The following AP4S1 variants were observed in gnomAD, a reference collection of about 807,000 sequenced individuals.
AP4S1 encodes adaptor related protein complex 4 subunit sigma 1, also known as AP-4 complex subunit sigma-1.
In AP4S1, 23 loss-of-function variants were observed where a neutral mutation model predicts 19.8. The observed-to-expected ratio is 1.16, with a 90% CI of 0.84 to 1.65. The LOEUF (loss-of-function observed/expected upper bound fraction) is 1.65. Among genes scored for constraint, AP4S1 ranks in the 40% most tolerant of loss-of-function variants. AP4S1 has a pLI of 0.00. For missense variants in AP4S1, 166 were observed against 172.8 expected (o/e 0.96, Z 0.22); for synonymous variants, 46 against 54.1 (o/e 0.85, Z 0.66).
chr14:31,091,466 G>A (rs1888073864), intron 5 of AP4S1, among the ~76,000 whole-genome samples: 1 of 151,946 alleles, frequency 6.6e-6, no homozygotes, highest in Admixed American at 6.6e-5. Flanking sequence ...TTTGGCCGTG[G>A]GACAAAGCAA....
chr14:31,084,801 A>G, intron 5 of AP4S1: 10 of 1,614,242 alleles, frequency 6.2e-6, no homozygotes, highest in Non-Finnish European at 7.6e-6. Context: ...AAATATGCTC[A>G]GCCCTGGAGC....
chr14:31,061,204 GA>G (rs1886418772), intron 1 of AP4S1, among the ~76,000 whole-genome samples: 1 of 151,810 alleles, frequency 6.6e-6, no homozygotes, highest in Non-Finnish European at 1.5e-5. Context: ...TTTTAGTAGA[GA>G]GTGGGGTTTT....
chr14:31,081,612 G>A (rs1887639865), intron 5 of AP4S1, among the ~76,000 whole-genome samples: 1 of 151,592 alleles, frequency 6.6e-6, no homozygotes, highest in Non-Finnish European at 1.5e-5. Flanking sequence ...AACACATCAA[G>A]TTTGAATATA....
Position 31,093,158 on chromosome 14 carries a change from GACAT to G in AP4S1, c.*124_*127del. The stretch of plus-strand genomic sequence containing the variant: ...TTACAAAATGGGGTATCCTTCCAAA[GACAT>G]TATAAATAGGCATTTTCCACAGTTC... On this transcript the variant is annotated 3_prime_UTR_variant, in exon 6 of 6. Transcript: ENST00000542754. 1 of 1,004,046 alleles carries G rather than the reference GACAT, an allele frequency of 1.0e-6. No homozygotes were observed. The highest frequency in any genetic ancestry group is 1.4e-6 in the Non-Finnish European group (1 of 716,756). 62.2% of individuals were successfully genotyped at this position (1,004,046 alleles called of 1,614,324 possible).
At chr14:31,075,741 AT>A (rs199770029) in intron 4 of AP4S1, among the ~76,000 whole-genome samples, 17 of 143,096 alleles carry the variant, frequency 1.2e-4, no homozygotes, top group East Asian at 2.0e-4. Flanking sequence ...GGATATACCA[AT>A]TTTTTTTTTT....
In AP4S1 at chr14:31,093,114, AG is replaced by A; in HGVS notation, c.*80del. ...ATACATCTCAACATGTTAACCCAGAAGAATCTGGAAGACCACAATTACAAAA... is the reference window on the plus strand; with the variant it reads ...ATACATCTCAACATGTTAACCCAGAAAATCTGGAAGACCACAATTACAAAA... On this transcript the variant is annotated 3_prime_UTR_variant, in exon 6 of 6. Coordinates refer to ENST00000542754, the MANE Select transcript of AP4S1 (RefSeq NM_001128126.3). 1 of 1,390,900 alleles carries A rather than the reference AG, an allele frequency of 7.2e-7. No individual in the cohort carries two copies. The highest frequency in any genetic ancestry group is 9.6e-7 in the Non-Finnish European group (1 of 1,044,390). The allele number at this position is 1,390,900 out of a possible 1,614,324, so 86.2% of individuals were successfully genotyped here. A position where few individuals can be genotyped will look rare whatever the true frequency, so the allele number is the denominator to read the frequency against.
rs755573825 is a variant in AP4S1, at chr14:31,083,506, T to TTTC, written c.306+2924_306+2925insCTT. On this transcript the variant is annotated intron_variant, in intron 5 of 5. Transcript: ENST00000542754. ...TTTTCTGTTGACACTCTTTTTTTTT[T>TTTC]TTTTTTTTTTTTTTTTGAGACAAGG... The TTTC allele has an allele frequency of 5.0e-4, 205 of 410,098 alleles. 2 individuals carry two copies. The highest frequency in any genetic ancestry group is 3.3e-3 in the South Asian group (200 of 60,430). 25.4% of individuals were successfully genotyped at this position (410,098 alleles called of 1,614,324 possible).
intron 1 of AP4S1, among the ~76,000 whole-genome samples, chr14:31,062,511 A>G (rs889857687): frequency 1.3e-5 from 2 of 152,224 alleles, no homozygotes; most frequent in African/African-American, 2.4e-5. Context: ...CTTTTGCAGC[A>G]TTTAAGTACA....
intron 1 of AP4S1, among the ~76,000 whole-genome samples, chr14:31,045,939 C>T (rs2139469899): frequency 6.6e-6 from 1 of 150,954 alleles, no homozygotes; most frequent in Non-Finnish European, 1.5e-5. Context: ...CCTCCAGCCT[C>T]CAGGAAAGGG....
In AP4S1 at chr14:31,036,021, T is replaced by C. The variant is rs8016329; in HGVS notation, c.-72+10234T>C. 8.2e-3 allele frequency among the ~76,000 whole-genome samples: 1,252 copies of C among 152,114 alleles called. 11 individuals carry two copies. Among genetic ancestry groups the C allele is most frequent in the African/African-American group, 0.026 (1,083 of 41,526 alleles). On this transcript the variant is annotated intron_variant, in intron 1 of 5. Coordinates refer to ENST00000542754, the MANE Select transcript of AP4S1 (RefSeq NM_001128126.3). ...CTGGGATTACAGGCGTGAGCCACCGTGCCTGGCCAGAGACCAGGTTATTTA... is the reference window on the plus strand; with the variant it reads ...CTGGGATTACAGGCGTGAGCCACCGCGCCTGGCCAGAGACCAGGTTATTTA...
In AP4S1 at chr14:31,063,006, G is replaced by C. The variant is rs180899298; in HGVS notation, c.-71-3120G>C. 4.5e-4 allele frequency among the ~76,000 whole-genome samples: 68 copies of C among 151,440 alleles called. 1 individual carries two copies. The East Asian group carries it at 0.012, about 27-fold the overall frequency. Reference sequence around the variant, plus strand: ...AAATCACTAGGAATTTATGTTATAAGCAAATATTGGCTGGAGGCAGTGGCT... The same window carrying C: ...AAATCACTAGGAATTTATGTTATAACCAAATATTGGCTGGAGGCAGTGGCT... On this transcript the variant is annotated intron_variant, in intron 1 of 5. Coordinates refer to ENST00000542754, the MANE Select transcript of AP4S1 (RefSeq NM_001128126.3).
chr14:31,027,723 T>C (rs1884110949), intron 1 of AP4S1, among the ~76,000 whole-genome samples: 1 of 152,222 alleles, frequency 6.6e-6, no homozygotes, highest in Admixed American at 6.5e-5. Context: ...GCTAATATTT[T>C]AAGTACAATA....
chr14:31,056,365 CT>C (rs562734643), intron 1 of AP4S1, among the ~76,000 whole-genome samples: 6 of 146,152 alleles, frequency 4.1e-5, no homozygotes, highest in South Asian at 2.2e-4. Context: ...TCTTTTCTTT[CT>C]TTTTTTTTTG....
At chr14:31,045,341 A>G (rs960471657) in intron 1 of AP4S1, among the ~76,000 whole-genome samples, 2 of 152,198 alleles carry the variant, frequency 1.3e-5, no homozygotes, top group African/African-American at 4.8e-5. Context: ...GGTAATCCCC[A>G]TAATCCCCAT....
At position 31,055,820 on chromosome 14, in the gene AP4S1, CT is replaced by C. The variant is rs535616436; in HGVS notation, c.-71-10295del. ...GTTAATTGTCATCAACTATCATTTT[CT>C]TTTTTTTTTTCTTTTTTCTTTTTTC... On this transcript the variant is annotated intron_variant, in intron 1 of 5. Transcript: ENST00000542754. Among the ~76,000 whole-genome samples, 102 of 144,830 alleles carry C rather than the reference CT, an allele frequency of 7.0e-4. 1 individual carries two copies. The South Asian group carries it at 8.2e-3, about 12-fold the overall frequency.
chr14:31,035,792 C>T (rs552715721), intron 1 of AP4S1, among the ~76,000 whole-genome samples: 30 of 151,624 alleles, frequency 2.0e-4, no homozygotes, highest in African/African-American at 6.1e-4. Flanking sequence ...TGCAGTGGTG[C>T]GATCTCGACT....
At chr14:31,026,365 A>G in intron 1 of AP4S1, 10 of 325,970 alleles carry the variant, frequency 3.1e-5, no homozygotes, top group Non-Finnish European at 1.4e-5. Flanking sequence ...CGCCATTACA[A>G]TCCCTCCTCC....
intron 1 of AP4S1, among the ~76,000 whole-genome samples, chr14:31,046,801 G>A (rs928571542): frequency 2.1e-4 from 31 of 146,872 alleles, no homozygotes; most frequent in African/African-American, 7.4e-4. Flanking sequence ...AGCCGAGATC[G>A]TACCACTGCA....
intron 2 of AP4S1, among the ~76,000 whole-genome samples, chr14:31,066,731 T>C (rs1259791064): frequency 6.6e-6 from 1 of 152,164 alleles, no homozygotes; most frequent in Non-Finnish European, 1.5e-5. Context: ...ATGATTGGTG[T>C]AGAGGTGAAT....
Sources: allele counts gnomAD v4.1 joint callset (sites outside exome capture counted in the v4.1 genomes callset), GRCh38; gene constraint gnomAD v4.1.1; transcripts MANE v1.5; gene names NCBI Gene and HGNC (gene_info 2026-07-23, HGNC 2026-07-21).